The following PAK4 variants were observed in gnomAD, a reference collection of about 807,000 sequenced individuals.
PAK4 encodes serine/threonine-protein kinase PAK 4.
A neutral mutation model predicts 53.5 loss-of-function variants in PAK4; 49 were observed. The observed-to-expected ratio is 0.92, with a 90% CI of 0.73 to 1.16. The LOEUF (loss-of-function observed/expected upper bound fraction) is 1.16. PAK4 is among the 50% of genes most tolerant of loss of function. The pLI is 0.00. For synonymous variants in PAK4, 376 were observed against 375.6 expected (o/e 1.00, Z -0.01); for missense variants, 824 against 850.7 (o/e 0.97, Z 0.39).
At chr19:39,139,338 G>A (rs2073873131) in intron 1 of PAK4, among the ~76,000 whole-genome samples, 1 of 152,200 alleles carries the variant, frequency 6.6e-6, no homozygotes, top group Non-Finnish European at 1.5e-5. Flanking sequence ...ACACTGAGGG[G>A]GATGCCTGAG....
chr19:39,158,208 T>C (rs2074223699), intron 1 of PAK4, among the ~76,000 whole-genome samples: 1 of 151,798 alleles, frequency 6.6e-6, no homozygotes. Flanking sequence ...TGTATGTGCA[T>C]GTGTGGGTGT....
chr19:39,129,364 GC>G (rs1666214739), intron 1 of PAK4, among the ~76,000 whole-genome samples: 1 of 152,002 alleles, frequency 6.6e-6, no homozygotes. Flanking sequence ...GTCCGTTGGA[GC>G]TATAACCGTG....
chr19:39,149,548 C>T (rs573529623), intron 1 of PAK4, among the ~76,000 whole-genome samples: 23 of 152,186 alleles, frequency 1.5e-4, no homozygotes, highest in South Asian at 6.2e-4. Flanking sequence ...TAGTGAGACC[C>T]GGTCTCTTTT....
At chr19:39,145,708 G>C (rs911065326) in intron 1 of PAK4, among the ~76,000 whole-genome samples, 3 of 152,162 alleles carry the variant, frequency 2.0e-5, no homozygotes, top group African/African-American at 7.2e-5. Context: ...TGTGCACCAC[G>C]GAGGGGCCTT....
At chr19:39,138,880 G>A (rs1178196774) in intron 1 of PAK4, among the ~76,000 whole-genome samples, 1 of 152,216 alleles carries the variant, frequency 6.6e-6, no homozygotes, top group Non-Finnish European at 1.5e-5. Context: ...TGGCAGGAAG[G>A]AGCCAGGACC....
intron 1 of PAK4, among the ~76,000 whole-genome samples, chr19:39,147,009 C>T (rs1039345214): frequency 2.3e-5 from 3 of 128,544 alleles, no homozygotes; most frequent in South Asian, 2.6e-4. Flanking sequence ...GTAACACCTG[C>T]GAGACTGTAG....
chr19:39,153,648 G>A (rs2074130443), intron 1 of PAK4, among the ~76,000 whole-genome samples: 1 of 152,158 alleles, frequency 6.6e-6, no homozygotes, highest in Admixed American at 6.5e-5. Flanking sequence ...CACCATGTTG[G>A]TCAGGCTGGT....
At chr19:39,170,533 G>T (rs1054981541) in intron 2 of PAK4, among the ~76,000 whole-genome samples, 3 of 152,232 alleles carry the variant, frequency 2.0e-5, no homozygotes, top group Non-Finnish European at 2.9e-5. Flanking sequence ...GCCTGAGCCC[G>T]TGCTGGGCCT....
intron 1 of PAK4, chr19:39,167,991 G>A (rs1225631800): frequency 6.6e-6 from 1 of 152,446 alleles, no homozygotes; most frequent in Non-Finnish European, 1.5e-5. Context: ...CTTCCTGGAA[G>A]CCTTCCTGCT....
At chr19:39,138,098 C>T (rs927860699) in intron 1 of PAK4, among the ~76,000 whole-genome samples, 1 of 152,066 alleles carries the variant, frequency 6.6e-6, no homozygotes. Flanking sequence ...TCTCTTTCCT[C>T]AGCCTCAGTA....
chr19:39,178,202 G>A lies in PAK4; in HGVS notation c.1621-222G>A, dbSNP rs1404298049. Among the ~76,000 whole-genome samples, 7 of 152,094 alleles carry A rather than the reference G, an allele frequency of 4.6e-5. No homozygotes were observed. Among genetic ancestry groups the A allele is most frequent in the Non-Finnish European group, 4.4e-5 (3 of 67,980 alleles). On this transcript the variant is annotated intron_variant, in intron 8 of 8. Transcript: ENST00000358301. This position sits in a 1 kb window ranked among gnomAD's most constrained non-coding sequence, Gnocchi z 4.4. Reference sequence around the variant, plus strand: ...AAATAGGGAGTACATGAGCCCCCAGGGTTTGTCACTTCCTCTGGGGCCACA... The same window carrying A: ...AAATAGGGAGTACATGAGCCCCCAGAGTTTGTCACTTCCTCTGGGGCCACA...
chr19:39,138,929 C>G (rs976267245), intron 1 of PAK4, among the ~76,000 whole-genome samples: 1 of 152,134 alleles, frequency 6.6e-6, no homozygotes, highest in African/African-American at 2.4e-5. Flanking sequence ...ATGGGGATAC[C>G]CCAGCACCCT....
At chr19:39,158,914 A>T (rs1375350320) in intron 1 of PAK4, among the ~76,000 whole-genome samples, 1 of 152,146 alleles carries the variant, frequency 6.6e-6, no homozygotes, top group Admixed American at 6.5e-5. Context: ...CATCCTCTGT[A>T]GTGTGTTTGT....
intron 1 of PAK4, among the ~76,000 whole-genome samples, chr19:39,130,318 G>A (rs531353861): frequency 1.0e-3 from 155 of 152,236 alleles, no homozygotes; most frequent in African/African-American, 3.4e-3. Context: ...CCAGGCAGAG[G>A]GGTTGGGGCT....
chr19:39,146,518 T>C (rs1280518034), intron 1 of PAK4, among the ~76,000 whole-genome samples: 5 of 152,230 alleles, frequency 3.3e-5, no homozygotes, highest in Non-Finnish European at 5.9e-5. Context: ...CTGAGATCAT[T>C]GTAGATTCTC....
rs544304301 is a variant in PAK4, at chr19:39,143,592, C to CA, written c.-23+17704dup. On this transcript the variant is annotated intron_variant, in intron 1 of 8. Transcript: ENST00000358301. ...TGGGTGACAGAGCAAGACTCTGTCT[C>CA]AAAAAAAAAAAAAAAAAAAAAAAAA... 3.5e-3 allele frequency among the ~76,000 whole-genome samples: 71 copies of CA among 20,440 alleles called. 7 individuals carry two copies. Among genetic ancestry groups the CA allele is most frequent in the East Asian group, 0.019 (8 of 420 alleles). The allele number at this position is 20,440 out of a possible 152,430, so 13.4% of individuals were successfully genotyped here. A position where few individuals can be genotyped will look rare whatever the true frequency, so the allele number is the denominator to read the frequency against.
At position 39,173,624 on chromosome 19, in the gene PAK4, G is replaced by GC; in HGVS notation, c.714dup (p.Ile239HisfsTer64). 1 of 1,545,242 alleles carries GC rather than the reference G, an allele frequency of 6.5e-7. No homozygotes were observed. Among genetic ancestry groups the GC allele is most frequent in the Non-Finnish European group, 8.7e-7 (1 of 1,147,712 alleles). ...TAACGGGCCATCAGCGGGGGGCCTG[G>GC]CCATCCCCCAGTCCTCCTCCTCCTC... On this transcript the variant is annotated frameshift_variant, in exon 4 of 9. Transcript: ENST00000358301. LOFTEE classifies it high-confidence loss of function. This position sits in a 1 kb window ranked among gnomAD's most constrained non-coding sequence, Gnocchi z 6.9.
rs199570847 is a variant in PAK4 at position 39,174,024 on chromosome 19, T to TGCCCTGCC, written c.1098+22_1098+29dup. On this transcript the variant is annotated intron_variant, in intron 4 of 8. Transcript: ENST00000358301. The stretch of plus-strand genomic sequence containing the variant: ...CTCTTCAACGAGGTGCGGGCGCTGC[T>TGCCCTGCC]GCCCTGCCGCCCTGCTGGTCCTCCC... 0.012 allele frequency: 19,008 copies of TGCCCTGCC among 1,527,124 alleles called. 671 individuals are homozygous for TGCCCTGCC. Among genetic ancestry groups the TGCCCTGCC allele is most frequent in the African/African-American group, 0.11 (8,072 of 71,456 alleles). 94.6% of individuals were successfully genotyped at this position (1,527,124 alleles called of 1,614,324 possible).
At chr19:39,133,202 G>A (rs970559014) in intron 1 of PAK4, among the ~76,000 whole-genome samples, 5 of 152,234 alleles carry the variant, frequency 3.3e-5, no homozygotes, top group African/African-American at 1.2e-4. Flanking sequence ...TGTAAAATGA[G>A]GGTGCTAATG....
Sources: gnomAD v4.1 joint callset for allele counts (sites outside exome capture counted in the v4.1 genomes callset) on GRCh38, gnomAD v4.1.1 for gene constraint, Gnocchi (gnomAD v3.1) non-coding constraint, MANE v1.5 for transcripts, NCBI Gene and HGNC (gene_info 2026-07-23, HGNC 2026-07-21) for gene names.